Variants in MEGF9 observed in about 807,000 individuals in gnomAD.
MEGF9 encodes the protein multiple EGF like domains 9.
MEGF9 carries 6 observed loss-of-function variants against 46.8 expected under a neutral mutation model. The observed-to-expected ratio is 0.13, with a 90% CI of 0.07 to 0.25. The LOEUF is 0.25. Ranked by LOEUF, MEGF9 falls within the 10% of genes least tolerant of loss-of-function variation. The pLI is 1.00. For synonymous variants in MEGF9, 302 were observed against 330.7 expected (o/e 0.91, Z 0.94); for missense variants, 683 against 792.4 (o/e 0.86, Z 1.66).
chr9:120,623,097 A>G (rs1043248786), intron 2 of MEGF9, among the ~76,000 whole-genome samples: 4 of 152,176 alleles, frequency 2.6e-5, no homozygotes, highest in African/African-American at 9.7e-5. Context: ...AGGTAGTTCT[A>G]CCTGGTGAGG....
At chr9:120,713,507 GGAA>G (rs1013937540) in intron 1 of MEGF9, among the ~76,000 whole-genome samples, 10 of 152,264 alleles carry the variant, frequency 6.6e-5, no homozygotes, top group South Asian at 2.1e-4. Context: ...AGCCCTGTTG[GGAA>G]GAAGATGAGA....
chr9:120,640,065 T>G (rs1325485575), intron 2 of MEGF9, among the ~76,000 whole-genome samples: 1 of 152,246 alleles, frequency 6.6e-6, no homozygotes, highest in Non-Finnish European at 1.5e-5. Context: ...TAGATTACTA[T>G]AGCTTTACCT....
rs1176887649 is a variant in MEGF9 at position 120,608,101 on chromosome 9, T to C, written c.1088-91A>G. ...TACTAGTCCTTAAAAAGATTTATAA[T>C]CCCAGAACTTTGGAGGCCAAGGTGG... On this transcript the variant is annotated intron_variant, in intron 4 of 5. Transcript: ENST00000373930. 1.2e-5 allele frequency: 17 copies of C among 1,464,030 alleles called. No homozygotes were observed. The Admixed American group carries it at 3.1e-4, about 27-fold the overall frequency. 90.7% of individuals were successfully genotyped at this position (1,464,030 alleles called of 1,614,324 possible). A position where few individuals can be genotyped will look rare whatever the true frequency, so the allele number is the denominator to read the frequency against.
At chr9:120,643,836 A>C (rs1226227508) in intron 2 of MEGF9, among the ~76,000 whole-genome samples, 1 of 151,858 alleles carries the variant, frequency 6.6e-6, no homozygotes, top group Non-Finnish European at 1.5e-5. Context: ...CTGGGACTAC[A>C]TGCATGCACC....
chr9:120,634,444 A>ATATTTTTTTTT (rs1564416834), intron 2 of MEGF9, among the ~76,000 whole-genome samples: 1 of 60,844 alleles, frequency 1.6e-5, no homozygotes. Context: ...TGTGTGGAAT[A>ATATTTTTTTTT]TCTTTTTTTT....
At chr9:120,627,104 T>G (rs537409230) in intron 2 of MEGF9, among the ~76,000 whole-genome samples, 46 of 152,138 alleles carry the variant, frequency 3.0e-4, no homozygotes, top group Non-Finnish European at 3.8e-4. Flanking sequence ...AGCAAAACAT[T>G]AAAGGATAAT....
intron 1 of MEGF9, among the ~76,000 whole-genome samples, chr9:120,701,879 C>T (rs1472579550): frequency 6.6e-6 from 1 of 151,976 alleles, no homozygotes; most frequent in Non-Finnish European, 1.5e-5. Context: ...CCCGTCTCTA[C>T]TAAAAATACA....
chr9:120,714,165 T>G lies in MEGF9; in HGVS notation c.194A>C (p.His65Pro). Residue 65 changes from histidine to proline, a missense_variant, in exon 1 of 6, where the codon CAC becomes CCC. This residue lies in a region of MEGF9 where 370 missense variants were observed against 371.3 expected (regional missense o/e 1.00). Coordinates refer to ENST00000373930, the MANE Select transcript of MEGF9 (RefSeq NM_001080497.3). ...GGGAGCCGTCGCCCTAGGGAAGGGG[T>G]GGCTGGGCTCGCCCCGCAACCCGGG... ...PGPGLRGEPS[H>P]PFPRATAPTA... is the part of the protein sequence containing the mutation. 3 of 1,235,014 alleles carry G rather than the reference T, an allele frequency of 2.4e-6. No homozygotes were observed. The highest frequency in any genetic ancestry group is 3.0e-6 in the Non-Finnish European group (3 of 990,592). 76.5% of individuals were successfully genotyped at this position (1,235,014 alleles called of 1,614,324 possible). A position where few individuals can be genotyped will look rare whatever the true frequency, so the allele number is the denominator to read the frequency against.
chr9:120,629,980 C>A (rs767846286), intron 2 of MEGF9, among the ~76,000 whole-genome samples: 1 of 151,714 alleles, frequency 6.6e-6, no homozygotes, highest in African/African-American at 2.4e-5. Flanking sequence ...CATTAATTTA[C>A]GTATTGTCTA....
At chr9:120,686,377 C>A (rs975212085) in intron 1 of MEGF9, among the ~76,000 whole-genome samples, 1 of 152,032 alleles carries the variant, frequency 6.6e-6, no homozygotes, top group African/African-American at 2.4e-5. Context: ...CAGGCCCGGC[C>A]GAGGGAATTC....
At chr9:120,687,162 C>T (rs980035200) in intron 1 of MEGF9, among the ~76,000 whole-genome samples, 3 of 152,214 alleles carry the variant, frequency 2.0e-5, no homozygotes, top group Non-Finnish European at 2.9e-5. Context: ...ATCTCTCATA[C>T]ATTCCTGGTT....
chr9:120,608,298 T>G (rs1364834376), intron 4 of MEGF9, among the ~76,000 whole-genome samples: 1 of 152,188 alleles, frequency 6.6e-6, no homozygotes, highest in East Asian at 1.9e-4. Flanking sequence ...TTTTCCAGCT[T>G]ATTGTAGGAA....
chr9:120,605,339 C>T lies in MEGF9; in HGVS notation c.1660G>A (p.Glu554Lys). The T allele has an allele frequency of 1.9e-6, 3 of 1,613,972 alleles. No individual in the cohort carries two copies. Among genetic ancestry groups the T allele is most frequent in the South Asian group, 1.1e-5 (1 of 91,084 alleles). ...RKLNAPFWTIELKEDNISFSS... is the reference protein window; with the variant it reads ...RKLNAPFWTIKLKEDNISFSS... ...AAACTGATATTGTCTTCTTTCAGCT[C>T]GATGGTCCAAAAGGGGGCATTGAGT... Residue 554 changes from glutamate (E) to lysine (K), a missense_variant, in exon 6 of 6, where the codon GAG becomes AAG. Around this residue, in one of 2 missense-constraint regions of MEGF9, gnomAD observed 313 missense variants for 421.1 expected, o/e 0.74. Coordinates refer to ENST00000373930, the MANE Select transcript of MEGF9 (RefSeq NM_001080497.3). This position sits in a 1 kb window ranked among gnomAD's most constrained non-coding sequence, Gnocchi z 4.0.
At chr9:120,651,123 G>A (rs2043647599) in intron 2 of MEGF9, among the ~76,000 whole-genome samples, 1 of 152,170 alleles carries the variant, frequency 6.6e-6, no homozygotes, top group South Asian at 2.1e-4. Flanking sequence ...ATTGGTATTT[G>A]TTCATCAAAG....
chr9:120,636,914 C>T (rs988727646), intron 2 of MEGF9, among the ~76,000 whole-genome samples: 7 of 151,934 alleles, frequency 4.6e-5, no homozygotes, highest in African/African-American at 7.3e-5. Context: ...TCTGCCCGGC[C>T]GCCACCCCGT....
At chr9:120,700,879 G>A (rs1474724863) in intron 1 of MEGF9, among the ~76,000 whole-genome samples, 2 of 151,578 alleles carry the variant, frequency 1.3e-5, no homozygotes, top group African/African-American at 4.8e-5. Context: ...CCAGGAATTC[G>A]AGACCAGCCT....
At chr9:120,710,020 G>A (rs2043946091) in intron 1 of MEGF9, among the ~76,000 whole-genome samples, 1 of 112,424 alleles carries the variant, frequency 8.9e-6, no homozygotes. Flanking sequence ...CAAAAAGAGC[G>A]AAACTCCGTC....
chr9:120,628,465 GTTGTTT>G (rs1190232911), intron 2 of MEGF9, among the ~76,000 whole-genome samples: 63 of 52,796 alleles, frequency 1.2e-3, no homozygotes, highest in African/African-American at 3.3e-3. Flanking sequence ...AATTCTTGTC[GTTGTTT>G]TTTTTTTTTT....
chr9:120,701,694 T>C (rs1008245290), intron 1 of MEGF9, among the ~76,000 whole-genome samples: 1 of 152,198 alleles, frequency 6.6e-6, no homozygotes, highest in Non-Finnish European at 1.5e-5. Flanking sequence ...TTGCACAATC[T>C]AAACAAGATC....
Sources: allele counts gnomAD v4.1 joint callset (sites outside exome capture counted in the v4.1 genomes callset), GRCh38; gene constraint gnomAD v4.1.1; regional missense constraint gnomAD v4.1.1; non-coding constraint Gnocchi (gnomAD v3.1); transcripts MANE v1.5; gene names NCBI Gene and HGNC (gene_info 2026-07-23, HGNC 2026-07-21).